The following RBFOX1 variants were observed in gnomAD, a reference collection of about 807,000 sequenced individuals.
The protein encoded by RBFOX1 is RNA binding fox-1 homolog 1, also known as RNA binding protein fox-1 homolog 1.
A neutral mutation model predicts 57.7 loss-of-function variants in RBFOX1; 8 were observed. That is an observed-to-expected ratio of 0.14 (90% confidence interval 0.08 to 0.25). The LOEUF (loss-of-function observed/expected upper bound fraction) is 0.25. Ranked by LOEUF, RBFOX1 falls within the 10% of genes least tolerant of loss-of-function variation. The pLI is 1.00. For synonymous variants in RBFOX1, 326 were observed against 222.4 expected (o/e 1.47, Z -4.15); for missense variants, 611 against 548.5 (o/e 1.11, Z -1.14).
chr16:6,868,896 G>T (rs868250366), intron 3 of RBFOX1, among the ~76,000 whole-genome samples: 1 of 152,176 alleles, frequency 6.6e-6, no homozygotes, highest in Non-Finnish European at 1.5e-5. Flanking sequence ...ATAGGTGGAT[G>T]CTTGAAGTGA....
intron 1 of RBFOX1, among the ~76,000 whole-genome samples, chr16:6,264,326 C>A (rs537401116): frequency 6.6e-6 from 1 of 152,206 alleles, no homozygotes; most frequent in African/African-American, 2.4e-5. Context: ...GCTTGACTTT[C>A]TCCCAGTGAA....
chr16:5,830,245 A>G (rs1174234883), intron 3 of RBFOX1, among the ~76,000 whole-genome samples: 1 of 151,986 alleles, frequency 6.6e-6, no homozygotes, highest in Non-Finnish European at 1.5e-5. Context: ...CTCCCTATCT[A>G]GTTGGTTCAG....
At chr16:6,542,635 G>T (rs1318160763) in intron 2 of RBFOX1, among the ~76,000 whole-genome samples, 1 of 151,582 alleles carries the variant, frequency 6.6e-6, no homozygotes, top group African/African-American at 2.4e-5. Flanking sequence ...GACCACAGGC[G>T]CCCGCCACCA....
rs145483120 is a variant in RBFOX1 at position 6,707,548 on chromosome 16, T to G, written c.-16+52898T>G. Reference sequence around the variant, plus strand: ...TCCTTGTACATGCATCTTGGGGCATTTCTAAGATTTCCTTAGAATCAACCC... The same window carrying G: ...TCCTTGTACATGCATCTTGGGGCATGTCTAAGATTTCCTTAGAATCAACCC... On this transcript the variant is annotated intron_variant, in intron 3 of 15. Coordinates refer to ENST00000550418, the MANE Select transcript of RBFOX1 (RefSeq NM_018723.4). 4.8e-5 allele frequency among the ~76,000 whole-genome samples: 7 copies of G among 146,972 alleles called. No homozygotes were observed. In the East Asian group the frequency reaches 1.5e-3, roughly 32 times the overall value.
chr16:5,246,297 G>A (rs546038030), intron 1 of RBFOX1, among the ~76,000 whole-genome samples: 2 of 152,274 alleles, frequency 1.3e-5, no homozygotes, highest in African/African-American at 4.8e-5. Flanking sequence ...AATTATTTTT[G>A]TAAAGAGAGT....
chr16:5,942,431 C>G (rs996543360), intron 4 of RBFOX1, among the ~76,000 whole-genome samples: 9 of 152,026 alleles, frequency 5.9e-5, no homozygotes, highest in Non-Finnish European at 1.2e-4. Context: ...GTCAGAAATG[C>G]AAAACTCTGA....
Position 5,872,072 on chromosome 16 carries a change from A to T in RBFOX1, c.351+4737A>T, listed in dbSNP as rs1254846839. Among the ~76,000 whole-genome samples the T allele has an allele frequency of 3.9e-5, 6 of 152,316 alleles. No homozygotes were observed. The East Asian group carries it at 1.2e-3, about 29-fold the overall frequency. On this transcript the variant is annotated intron_variant, in intron 4 of 19. Transcript: ENST00000641259. ...CTCTTGTCTTCCAAGCCTCGTTCTC[A>T]GGAAAATAAATTGGGGGTTGCAGAG...
intron 2 of RBFOX1, among the ~76,000 whole-genome samples, chr16:6,540,439 C>G (rs773123776): frequency 6.6e-6 from 1 of 151,622 alleles, no homozygotes; most frequent in African/African-American, 2.4e-5. Flanking sequence ...TGGTAAAACC[C>G]CATCTCTACT....
At chr16:6,509,488 A>T (rs1433636860) in intron 2 of RBFOX1, among the ~76,000 whole-genome samples, 1 of 152,162 alleles carries the variant, frequency 6.6e-6, no homozygotes, top group African/African-American at 2.4e-5. Flanking sequence ...CACTTAAAAT[A>T]ATTGAACTCA....
At chr16:5,280,620 G>C (rs1206183500) in intron 1 of RBFOX1, among the ~76,000 whole-genome samples, 1 of 150,168 alleles carries the variant, frequency 6.7e-6, no homozygotes, top group South Asian at 2.1e-4. Context: ...ATTCATTTTG[G>C]GTCAGTTCAG....
At chr16:7,429,852 GA>G (rs2098661491) in intron 4 of RBFOX1, among the ~76,000 whole-genome samples, 1 of 152,136 alleles carries the variant, frequency 6.6e-6, no homozygotes, top group Non-Finnish European at 1.5e-5. Context: ...TAATTATTGA[GA>G]TATACTATGT....
At chr16:5,814,981 T>C (rs186291551) in intron 3 of RBFOX1, among the ~76,000 whole-genome samples, 152 of 151,742 alleles carry the variant, frequency 1.0e-3, no homozygotes, top group African/African-American at 3.5e-3. Flanking sequence ...CTGACCTATT[T>C]TCTTTCTTTC....
At chr16:6,569,203 C>G (rs1265932941) in intron 2 of RBFOX1, among the ~76,000 whole-genome samples, 1 of 152,166 alleles carries the variant, frequency 6.6e-6, no homozygotes, top group Non-Finnish European at 1.5e-5. Context: ...TATAAGTTAT[C>G]TAATACTCTG....
chr16:5,781,651 G>A (rs899172010), intron 3 of RBFOX1, among the ~76,000 whole-genome samples: 1 of 152,240 alleles, frequency 6.6e-6, no homozygotes, highest in Non-Finnish European at 1.5e-5. Context: ...AAATGGATGT[G>A]GCTGTGTGCC....
At chr16:5,544,467 C>T (rs940961173) in intron 2 of RBFOX1, among the ~76,000 whole-genome samples, 6 of 152,046 alleles carry the variant, frequency 3.9e-5, no homozygotes, top group Non-Finnish European at 7.4e-5. Context: ...TAAAGTTCTC[C>T]AATTTCACTC....
chr16:6,110,405 C>T (rs1284513628), intron 1 of RBFOX1, among the ~76,000 whole-genome samples: 1 of 152,068 alleles, frequency 6.6e-6, no homozygotes, highest in South Asian at 2.1e-4. Context: ...ATTGCCTTTT[C>T]AGAAGATGAT....
intron 1 of RBFOX1, among the ~76,000 whole-genome samples, chr16:5,404,517 A>G (rs995179310): frequency 1.3e-5 from 2 of 152,130 alleles, no homozygotes; most frequent in African/African-American, 4.8e-5. Context: ...TTATATGCAA[A>G]TTGAGTGTGA....
At position 5,793,519 on chromosome 16, in the gene RBFOX1, T is replaced by C. The variant is rs989631002; in HGVS notation, c.319-73784T>C. ...TGGCCAGAGTCCTGAATCAGAGGTGTTGGCACAAGCCATGTTGCCTTCCTG... is the reference window on the plus strand; with the variant it reads ...TGGCCAGAGTCCTGAATCAGAGGTGCTGGCACAAGCCATGTTGCCTTCCTG... On this transcript the variant is annotated intron_variant, in intron 3 of 19. Coordinates refer to the RBFOX1 transcript ENST00000641259. Among the ~76,000 whole-genome samples, 4 of 152,326 alleles carry C rather than the reference T, an allele frequency of 2.6e-5. No homozygotes were observed. In the South Asian group the frequency reaches 6.2e-4, roughly 24 times the overall value.
intron 3 of RBFOX1, among the ~76,000 whole-genome samples, chr16:6,664,882 C>T (rs542339574): frequency 1.3e-5 from 2 of 152,294 alleles, no homozygotes; most frequent in Admixed American, 1.3e-4. Flanking sequence ...GCTGGCAGAC[C>T]TTGGAAAAGT....
Sources: gnomAD v4.1 joint callset for allele counts (sites outside exome capture counted in the v4.1 genomes callset) on GRCh38, gnomAD v4.1.1 for gene constraint, MANE v1.5 for transcripts, NCBI Gene and HGNC (gene_info 2026-07-23, HGNC 2026-07-21) for gene names.